The following SLC4A10 variants were observed in gnomAD, a reference collection of about 807,000 sequenced individuals.
The protein encoded by SLC4A10 is solute carrier family 4 member 10.
Under a neutral mutation model 137.7 loss-of-function variants are expected in SLC4A10, and 42 were observed. The observed-to-expected ratio is 0.30, with a 90% confidence interval of 0.24 to 0.39. The LOEUF (loss-of-function observed/expected upper bound fraction) is 0.39, where lower values mean the gene tolerates loss of function less well. SLC4A10 is among the 10% of genes least tolerant of loss of function. The pLI is 1.00. For synonymous variants in SLC4A10, 474 were observed against 464.1 expected (o/e 1.02, Z -0.27); for missense variants, 925 against 1,355.0 (o/e 0.68, Z 4.98).
intron 2 of SLC4A10, among the ~76,000 whole-genome samples, chr2:161,799,454 A>G (rs1471925920): frequency 2.0e-5 from 3 of 151,896 alleles, no homozygotes; most frequent in African/African-American, 7.2e-5. Context: ...ACAGGACCTG[A>G]GGGGATTCTC....
intron 1 of SLC4A10, among the ~76,000 whole-genome samples, chr2:161,708,090 C>T (rs924463522): frequency 6.6e-6 from 1 of 151,286 alleles, no homozygotes; most frequent in African/African-American, 2.4e-5. Context: ...GAATCTGAAA[C>T]ATAAATGAAA....
chr2:161,698,758 G>C (rs368064299), intron 1 of SLC4A10, among the ~76,000 whole-genome samples: 14 of 152,052 alleles, frequency 9.2e-5, no homozygotes, highest in Non-Finnish European at 1.6e-4. Flanking sequence ...GGATATTGGT[G>C]TAAAATTCTC....
At chr2:161,907,288 A>G (rs1684666148) in intron 15 of SLC4A10, among the ~76,000 whole-genome samples, 1 of 152,228 alleles carries the variant, frequency 6.6e-6, no homozygotes, top group South Asian at 2.1e-4. Flanking sequence ...GGTGTCAGGG[A>G]CACTCAGAAA....
intron 1 of SLC4A10, among the ~76,000 whole-genome samples, chr2:161,666,513 A>G (rs1231107137): frequency 6.6e-6 from 1 of 151,752 alleles, no homozygotes; most frequent in Non-Finnish European, 1.5e-5. Context: ...TTCTTTGTCT[A>G]CTACCTAATT....
chr2:161,934,752 A>G (rs554414562), intron 15 of SLC4A10, among the ~76,000 whole-genome samples: 17 of 152,090 alleles, frequency 1.1e-4, no homozygotes, highest in African/African-American at 3.6e-4. Context: ...CTTTTGAGAA[A>G]TGTCTATTCA....
chr2:161,867,620 A>C, intron 6 of SLC4A10, among the ~76,000 whole-genome samples: 1 of 152,138 alleles, frequency 6.6e-6, no homozygotes, highest in Middle Eastern at 3.4e-3. Flanking sequence ...TCTAGTATGA[A>C]GTGTTTGAAT....
chr2:161,914,453 T>C (rs945218575), intron 15 of SLC4A10, among the ~76,000 whole-genome samples: 1 of 152,130 alleles, frequency 6.6e-6, no homozygotes, highest in Admixed American at 6.5e-5. Flanking sequence ...ATGGCCAGGC[T>C]CAAAGAGGTT....
chr2:161,812,331 C>T (rs944649490), intron 3 of SLC4A10, among the ~76,000 whole-genome samples: 1 of 151,950 alleles, frequency 6.6e-6, no homozygotes, highest in Admixed American at 6.6e-5. Context: ...GCTCATATCC[C>T]TCTACTTTCT....
chr2:161,761,167 A>G (rs1260299162), intron 1 of SLC4A10, among the ~76,000 whole-genome samples: 1 of 152,104 alleles, frequency 6.6e-6, no homozygotes, highest in East Asian at 1.9e-4. Flanking sequence ...TCTAGATGTT[A>G]TGTGGCTGCA....
At chr2:161,903,097 A>T (rs1683487957) in intron 12 of SLC4A10, among the ~76,000 whole-genome samples, 1 of 152,226 alleles carries the variant, frequency 6.6e-6, no homozygotes, top group African/African-American at 2.4e-5. Context: ...TCATAAAATG[A>T]GAATACCTAC....
At chr2:161,883,023 A>G (rs2061928649) in intron 10 of SLC4A10, among the ~76,000 whole-genome samples, 1 of 152,148 alleles carries the variant, frequency 6.6e-6, no homozygotes. Context: ...AAAAGCTTTC[A>G]TCAGCTCTTC....
intron 6 of SLC4A10, among the ~76,000 whole-genome samples, chr2:161,866,391 T>A (rs1416902548): frequency 2.0e-5 from 3 of 152,006 alleles, no homozygotes; most frequent in Non-Finnish European, 2.9e-5. Context: ...ACACACTAGT[T>A]CACTCGTTTG....
At chr2:161,877,411 G>C (rs970143051) in intron 8 of SLC4A10, among the ~76,000 whole-genome samples, 15 of 151,984 alleles carry the variant, frequency 9.9e-5, no homozygotes, top group African/African-American at 3.6e-4. Context: ...TAACAGAAAG[G>C]ATTATGAGAT....
At chr2:161,840,412 T>A (rs1311746548) in intron 4 of SLC4A10, among the ~76,000 whole-genome samples, 1 of 152,238 alleles carries the variant, frequency 6.6e-6, no homozygotes, top group Admixed American at 6.5e-5. Flanking sequence ...TTAAGCATAG[T>A]GGTTTTTAAA....
intron 15 of SLC4A10, among the ~76,000 whole-genome samples, chr2:161,924,780 C>T (rs1410984017): frequency 6.6e-6 from 1 of 152,074 alleles, no homozygotes; most frequent in East Asian, 1.9e-4. Context: ...AGTACACTAC[C>T]AGGAATGGAG....
intron 1 of SLC4A10, among the ~76,000 whole-genome samples, chr2:161,658,791 T>C (rs139444947): frequency 0.033 from 5,021 of 151,888 alleles, 279 homozygotes; most frequent in African/African-American, 0.12. Flanking sequence ...GGGTTTCACC[T>C]TTTTGGCCAG....
chr2:161,679,725 T>C (rs2040647102), intron 1 of SLC4A10, among the ~76,000 whole-genome samples: 1 of 148,024 alleles, frequency 6.8e-6, no homozygotes, highest in African/African-American at 2.5e-5. Flanking sequence ...GTGTGTAGTA[T>C]ATCAAAACTG....
chr2:161,639,091 C>T (rs2034906971), intron 1 of SLC4A10, among the ~76,000 whole-genome samples: 1 of 151,936 alleles, frequency 6.6e-6, no homozygotes, highest in African/African-American at 2.4e-5. Context: ...AAGAAGTAGA[C>T]AACCAGAACA....
chr2:161,646,863 T>G (rs1315605408), intron 1 of SLC4A10, among the ~76,000 whole-genome samples: 7 of 152,086 alleles, frequency 4.6e-5, no homozygotes. Flanking sequence ...TCACATTTGT[T>G]GAAATCCTCC....
Sources: gnomAD v4.1 joint callset for allele counts (sites outside exome capture counted in the v4.1 genomes callset) on GRCh38, gnomAD v4.1.1 for gene constraint, MANE v1.5 for transcripts, NCBI Gene and HGNC (gene_info 2026-07-23, HGNC 2026-07-21) for gene names.